Variants in OSBPL10 observed in about 807,000 individuals in gnomAD.
OSBPL10 encodes oxysterol-binding protein-related protein 10.
A neutral mutation model predicts 81.7 loss-of-function variants in OSBPL10; 49 were observed. The observed-to-expected ratio is 0.60, with a 90% confidence interval of 0.48 to 0.76. The LOEUF (loss-of-function observed/expected upper bound fraction) is 0.76, where lower values mean the gene tolerates loss of function less well. OSBPL10 is among the 30% of genes least tolerant of loss of function. OSBPL10 has a pLI of 0.00. For missense variants in OSBPL10, 923 were observed against 987.8 expected, an observed-to-expected ratio of 0.93 and a Z score of 0.88; for synonymous variants, 419 against 383.6, an observed-to-expected ratio of 1.09 and a Z score of -1.08.
At chr3:32,069,620 C>T (rs933933337) in intron 1 of OSBPL10, among the ~76,000 whole-genome samples, 1 of 152,200 alleles carries the variant, frequency 6.6e-6, no homozygotes, top group East Asian at 1.9e-4. Context: ...ACCCAGTCAG[C>T]TCCTGACATT....
chr3:31,686,717 A>T (rs928005318), intron 7 of OSBPL10, among the ~76,000 whole-genome samples: 40 of 152,180 alleles, frequency 2.6e-4, no homozygotes, highest in Admixed American at 2.6e-3. Flanking sequence ...CTAGGATCTT[A>T]TCTGGCCAAG....
At position 31,953,694 on chromosome 3, in the gene OSBPL10, C is replaced by T. The variant is rs75341602; in HGVS notation, c.281+27205G>A. ...GTGCTGGAATGACAAGTGTGAGCCACCACACCTGGCCACAATGGCCATTCT... is the reference window on the plus strand; with the variant it reads ...GTGCTGGAATGACAAGTGTGAGCCATCACACCTGGCCACAATGGCCATTCT... On this transcript the variant is annotated intron_variant, in intron 1 of 11. Transcript: ENST00000396556. Among the ~76,000 whole-genome samples, 1,396 of 152,310 alleles carry T rather than the reference C, an allele frequency of 9.2e-3. 25 individuals are homozygous for T. The highest frequency in any genetic ancestry group is 0.032 in the African/African-American group (1,320 of 41,552).
At chr3:31,769,983 TTGATGA>T (rs1698328363) in intron 4 of OSBPL10, among the ~76,000 whole-genome samples, 1 of 152,158 alleles carries the variant, frequency 6.6e-6, no homozygotes, top group Non-Finnish European at 1.5e-5. Context: ...CAAAATATAT[TTGATGA>T]CAAGGTTCTG....
intron 1 of OSBPL10, among the ~76,000 whole-genome samples, chr3:32,057,199 C>G (rs558962341): frequency 3.3e-5 from 5 of 152,332 alleles, no homozygotes; most frequent in South Asian, 2.1e-4. Context: ...AGTAGAGCAG[C>G]CCATGCGGTT....
At position 31,810,587 on chromosome 3, in the gene OSBPL10, A is replaced by G. The variant is rs149136583; in HGVS notation, c.729+19453T>C. ...ATCTTAATATATACATATATATAAA[A>G]CTCCTGGAAACCAATAAGGAACACA... is the stretch of plus-strand genomic sequence containing the variant. On this transcript the variant is annotated intron_variant, in intron 4 of 11. Transcript: ENST00000396556. 4.0e-3 allele frequency among the ~76,000 whole-genome samples: 604 copies of G among 152,272 alleles called. 12 individuals are homozygous for G. The highest frequency in any genetic ancestry group is 0.034 in the South Asian group (165 of 4,828).
chr3:31,963,726 C>G (rs1437933702), intron 1 of OSBPL10, among the ~76,000 whole-genome samples: 1 of 152,158 alleles, frequency 6.6e-6, no homozygotes, highest in African/African-American at 2.4e-5. Flanking sequence ...CCTGATTTCT[C>G]CAAGATATGA....
intron 1 of OSBPL10, among the ~76,000 whole-genome samples, chr3:31,957,679 C>T (rs1029756751): frequency 4.6e-5 from 7 of 152,118 alleles, no homozygotes; most frequent in Non-Finnish European, 4.4e-5. Flanking sequence ...CTTGCTCTGT[C>T]GCCCTGGCTG....
At chr3:31,888,781 A>G (rs1331203096) in intron 1 of OSBPL10, among the ~76,000 whole-genome samples, 1 of 152,086 alleles carries the variant, frequency 6.6e-6, no homozygotes, top group Non-Finnish European at 1.5e-5. Flanking sequence ...AAAATTAGCC[A>G]GGCCTGGTGG....
intron 4 of OSBPL10, among the ~76,000 whole-genome samples, chr3:31,770,163 G>A (rs1575533051): frequency 6.6e-6 from 1 of 152,178 alleles, no homozygotes; most frequent in Non-Finnish European, 1.5e-5. Flanking sequence ...GAGAAAAGGT[G>A]CAGGGAGCAT....
At chr3:31,743,719 G>C (rs1332061674) in intron 5 of OSBPL10, among the ~76,000 whole-genome samples, 1 of 152,214 alleles carries the variant, frequency 6.6e-6, no homozygotes, top group Non-Finnish European at 1.5e-5. Context: ...GGAACAATCT[G>C]TATGGGTATT....
intron 1 of OSBPL10, among the ~76,000 whole-genome samples, chr3:31,923,279 C>T (rs1286568844): frequency 6.6e-6 from 1 of 152,132 alleles, no homozygotes. Context: ...TAACATATGG[C>T]TGTTGTCCCT....
intron 2 of OSBPL10, among the ~76,000 whole-genome samples, chr3:31,999,359 C>CTTTTTT (rs5847729): frequency 7.9e-6 from 1 of 125,864 alleles, no homozygotes; most frequent in Non-Finnish European, 1.6e-5. Context: ...ATATCAAAAT[C>CTTTTTT]TTTTTTTTTT....
chr3:32,028,927 GACACACACACACACACACACAC>G (rs58442955), intron 2 of OSBPL10, among the ~76,000 whole-genome samples: 140 of 105,730 alleles, frequency 1.3e-3, no homozygotes, highest in African/African-American at 4.8e-3. Context: ...AGCTAGTCAG[GACACACACACACACACACACAC>G]ACACACACAC....
chr3:31,698,286 C>T (rs1695789869), intron 7 of OSBPL10, among the ~76,000 whole-genome samples: 1 of 151,848 alleles, frequency 6.6e-6, no homozygotes, highest in Admixed American at 6.6e-5. Flanking sequence ...CCCATCTCTA[C>T]TTAAAATACA....
intron 2 of OSBPL10, among the ~76,000 whole-genome samples, chr3:32,035,654 G>A (rs1320889706): frequency 6.6e-6 from 1 of 151,606 alleles, no homozygotes; most frequent in African/African-American, 2.4e-5. Flanking sequence ...AAAATAATAG[G>A]TTTGGAAGAG....
intron 6 of OSBPL10, among the ~76,000 whole-genome samples, chr3:31,718,506 G>A (rs1011788102): frequency 6.6e-6 from 1 of 152,088 alleles, no homozygotes; most frequent in Admixed American, 6.6e-5. Flanking sequence ...TAGAGAATTT[G>A]TCAATTTAGA....
At chr3:31,878,815 A>ATGTGTGTGTGTGTGTG (rs59233088) in intron 2 of OSBPL10, among the ~76,000 whole-genome samples, 5 of 136,352 alleles carry the variant, frequency 3.7e-5, no homozygotes, top group Non-Finnish European at 4.8e-5. Context: ...CTGCGTGTCC[A>ATGTGTGTGTGTGTGTG]TGTGTGTGTG....
In OSBPL10 at chr3:32,066,196, GGAAGGAAGGAAGGAA is replaced by G. The variant is rs1559557500; in HGVS notation, n.185+11185_185+11199del. Among the ~76,000 whole-genome samples, 3 of 80,368 alleles carry G rather than the reference GGAAGGAAGGAAGGAA, an allele frequency of 3.7e-5. 1 individual carries two copies. Among genetic ancestry groups the G allele is most frequent in the Non-Finnish European group, 1.0e-4 (3 of 29,718 alleles). 52.7% of individuals were successfully genotyped at this position (80,368 alleles called of 152,430 possible). A position where few individuals can be genotyped will look rare whatever the true frequency, so the allele number is the denominator to read the frequency against. ...AGGAAGGAAGGAAGGAAGGAAGGAAGGAAGGAAGGAAGGAAGGAAGGACATCCCCCACCCTTGCAA... is the reference window on the plus strand; with the variant it reads ...AGGAAGGAAGGAAGGAAGGAAGGAAGGGAAGGACATCCCCCACCCTTGCAA... On this transcript the variant is annotated intron_variant and non_coding_transcript_variant, in intron 1 of 3. Transcript: ENST00000479173.
intron 1 of OSBPL10, among the ~76,000 whole-genome samples, chr3:31,931,777 T>C (rs1697255382): frequency 6.6e-6 from 1 of 152,358 alleles, no homozygotes; most frequent in South Asian, 2.1e-4. Flanking sequence ...TAAATAGTGA[T>C]GTAATTTACA....
Sources: allele counts gnomAD v4.1 joint callset (sites outside exome capture counted in the v4.1 genomes callset), GRCh38; gene constraint gnomAD v4.1.1; transcripts MANE v1.5; gene names NCBI Gene and HGNC (gene_info 2026-07-23, HGNC 2026-07-21).